CMSS1: variants seen among roughly 807,000 people sequenced by gnomAD.
CMSS1 encodes cms1 ribosomal small subunit homolog, also known as protein CMSS1.
A neutral mutation model predicts 43.5 loss-of-function variants in CMSS1; 33 were observed. The observed-to-expected ratio is 0.76, with a 90% CI of 0.57 to 1.01. The LOEUF (loss-of-function observed/expected upper bound fraction) is 1.01. CMSS1 is among the 50% of genes least tolerant of loss of function. The pLI, the probability that CMSS1 is intolerant of heterozygous loss-of-function variation, is 0.00. For missense variants in CMSS1, 313 were observed against 326.4 expected (o/e 0.96, Z 0.32); for synonymous variants, 115 against 117.2 (o/e 0.98, Z 0.12).
rs573244625 is a variant in CMSS1 at position 99,924,813 on chromosome 3, C to T, written c.64+106770C>T. On this transcript the variant is annotated intron_variant, in intron 1 of 9. Coordinates refer to ENST00000421999, the MANE Select transcript of CMSS1 (RefSeq NM_032359.4). ...CTGGGATTACAGGCATGAGCCACGG[C>T]GCCCGGCCAGCAGTGGGTTTTTTAT... is the stretch of plus-strand genomic sequence containing the variant. Among the ~76,000 whole-genome samples, 16 of 152,256 alleles carry T rather than the reference C, an allele frequency of 1.1e-4. No homozygotes were observed. In the South Asian group the frequency reaches 2.7e-3, roughly 26 times the overall value.
At chr3:99,957,693 CTTTTTTTTTTTT>C (rs779350496) in intron 1 of CMSS1, among the ~76,000 whole-genome samples, 6 of 19,904 alleles carry the variant, frequency 3.0e-4, no homozygotes, top group South Asian at 3.4e-3. Flanking sequence ...TTCTTTCTTT[CTTTTTTTTTTTT>C]TTTTTTTTTT....
At chr3:100,040,441 C>T (rs997290966) in intron 1 of CMSS1, 2 of 152,014 alleles carry the variant, frequency 1.3e-5, no homozygotes, top group African/African-American at 4.8e-5. Flanking sequence ...CAGATGTGAC[C>T]GTGGTTTTAG....
chr3:99,958,550 G>A (rs915318714), intron 1 of CMSS1, among the ~76,000 whole-genome samples: 3 of 152,150 alleles, frequency 2.0e-5, no homozygotes, highest in Non-Finnish European at 4.4e-5. Flanking sequence ...AGGGTAGGAG[G>A]AATTCCACGG....
At chr3:100,114,289 A>C (rs1464243029) in intron 1 of CMSS1, 1 of 151,652 alleles carries the variant, frequency 6.6e-6, no homozygotes, top group East Asian at 2.0e-4. Flanking sequence ...CCCAAACACT[A>C]AATATTGCCC....
At chr3:99,847,974 C>T (rs1168143132) in intron 1 of CMSS1, 14 of 1,053,524 alleles carry the variant, frequency 1.3e-5, no homozygotes, top group Non-Finnish European at 1.5e-5. Context: ...AAGTATTTCA[C>T]CAAGACAAGT....
chr3:100,101,197 A>C (rs528277957), intron 1 of CMSS1, among the ~76,000 whole-genome samples: 1 of 152,280 alleles, frequency 6.6e-6, no homozygotes, highest in South Asian at 2.1e-4. Context: ...CGTTATACTA[A>C]GACTGAGAAA....
At chr3:100,030,203 T>G (rs1256647176) in intron 1 of CMSS1, among the ~76,000 whole-genome samples, 1 of 152,156 alleles carries the variant, frequency 6.6e-6, no homozygotes, top group Non-Finnish European at 1.5e-5. Context: ...AGTTTAATAT[T>G]ATTTTCTCTA....
chr3:99,868,049 T>C (rs1944607362), intron 1 of CMSS1, among the ~76,000 whole-genome samples: 1 of 152,222 alleles, frequency 6.6e-6, no homozygotes, highest in Admixed American at 6.5e-5. Flanking sequence ...GCCCAGGTTG[T>C]AAAGATTTGT....
In CMSS1 at chr3:100,020,096, G is replaced by A. The variant is rs2064781339; in HGVS notation, c.65-126877G>A. The stretch of plus-strand genomic sequence containing the variant: ...CTTACTATAATCCAGAACTTTGCTA[G>A]CATATCATATACCTTGTAATTTTAT... On this transcript the variant is annotated intron_variant, in intron 1 of 9. Coordinates refer to ENST00000421999, the MANE Select transcript of CMSS1 (RefSeq NM_032359.4). Among the ~76,000 whole-genome samples, 3 of 152,118 alleles carry A rather than the reference G, an allele frequency of 2.0e-5. No individual in the cohort carries two copies. In the South Asian group the frequency reaches 6.2e-4, roughly 32 times the overall value.
intron 1 of CMSS1, among the ~76,000 whole-genome samples, chr3:99,944,532 T>C (rs531240369): frequency 9.2e-5 from 14 of 152,326 alleles, no homozygotes; most frequent in African/African-American, 3.1e-4. Flanking sequence ...ACTAAATCGT[T>C]AGGCACTGAA....
chr3:99,983,454 ATATATGTGTG>A (rs1467472606), intron 1 of CMSS1, among the ~76,000 whole-genome samples: 7 of 8,124 alleles, frequency 8.6e-4, no homozygotes, highest in African/African-American at 3.3e-3. Context: ...ATGTATATAT[ATATATGTGTG>A]TATATATATA....
intron 1 of CMSS1, among the ~76,000 whole-genome samples, chr3:99,854,034 T>C (rs1335678435): frequency 1.3e-5 from 2 of 152,202 alleles, no homozygotes; most frequent in Non-Finnish European, 2.9e-5. Context: ...CAGCTGGTTA[T>C]GCTACTGAAT....
At chr3:99,828,770 T>C (rs1452949840) in intron 1 of CMSS1, among the ~76,000 whole-genome samples, 3 of 152,120 alleles carry the variant, frequency 2.0e-5, no homozygotes, top group Non-Finnish European at 4.4e-5. Flanking sequence ...CCTTCTTTTG[T>C]AGTCCATCCC....
chr3:100,061,720 T>G (rs1373649802), intron 1 of CMSS1, among the ~76,000 whole-genome samples: 1 of 152,214 alleles, frequency 6.6e-6, no homozygotes, highest in Non-Finnish European at 1.5e-5. Flanking sequence ...CCGAGGTGCA[T>G]GTCGTTATCC....
chr3:99,863,397 C>T (rs976882676), intron 1 of CMSS1, among the ~76,000 whole-genome samples: 1 of 152,098 alleles, frequency 6.6e-6, no homozygotes, highest in Non-Finnish European at 1.5e-5. Flanking sequence ...GACTCCTGTA[C>T]GTGGGGACTC....
chr3:99,991,678 C>T (rs1482659927), intron 1 of CMSS1, among the ~76,000 whole-genome samples: 1 of 151,938 alleles, frequency 6.6e-6, no homozygotes, highest in African/African-American at 2.4e-5. Flanking sequence ...TTGTGTAGCT[C>T]CCACTTATAG....
Position 100,136,291 on chromosome 3 carries a change from AAAC to A in CMSS1, c.65-10679_65-10677del, listed in dbSNP as rs541372421. Among the ~76,000 whole-genome samples, 16 of 152,286 alleles carry A rather than the reference AAAC, an allele frequency of 1.1e-4. No individual in the cohort carries two copies. In the South Asian group the frequency reaches 3.3e-3, roughly 32 times the overall value. ...AGGAAGAGATGATAACTAGAAAAAA[AAAC>A]AAATAAAACTGGACTGGCGCCAATA... On this transcript the variant is annotated intron_variant, in intron 1 of 9. Coordinates refer to ENST00000421999, the MANE Select transcript of CMSS1 (RefSeq NM_032359.4).
At chr3:100,034,300 T>A (rs1170825291) in intron 1 of CMSS1, among the ~76,000 whole-genome samples, 1 of 152,206 alleles carries the variant, frequency 6.6e-6, no homozygotes, top group African/African-American at 2.4e-5. Context: ...CCACTTATTG[T>A]CTGGAGAAAA....
At chr3:100,110,556 T>C (rs2066473949) in intron 1 of CMSS1, among the ~76,000 whole-genome samples, 1 of 152,130 alleles carries the variant, frequency 6.6e-6, no homozygotes, top group East Asian at 1.9e-4. Context: ...TAAATACATG[T>C]ACAGGAAATT....
Sources: allele counts gnomAD v4.1 joint callset (sites outside exome capture counted in the v4.1 genomes callset), GRCh38; gene constraint gnomAD v4.1.1; transcripts MANE v1.5; gene names NCBI Gene and HGNC (gene_info 2026-07-23, HGNC 2026-07-21).